Variants in COL19A1 observed in about 807,000 individuals in gnomAD.
COL19A1 encodes the protein collagen alpha-1(XIX) chain.
A neutral mutation model predicts 190.2 loss-of-function variants in COL19A1; 159 were observed. The observed-to-expected ratio is 0.84, with a 90% CI of 0.73 to 0.95. COL19A1 has a LOEUF of 0.95. COL19A1 is among the 40% of genes least tolerant of loss of function. The probability of loss-of-function intolerance (pLI) is 0.00; values close to 1 mark genes in which losing one functional copy is unlikely to be tolerated. For missense variants in COL19A1, 1,418 were observed against 1,431.9 expected (o/e 0.99, Z 0.16); for synonymous variants, 509 against 458.9 (o/e 1.11, Z -1.39).
intron 16 of COL19A1, among the ~76,000 whole-genome samples, chr6:70,111,108 T>C (rs1175048343): frequency 2.6e-5 from 4 of 152,210 alleles, no homozygotes; most frequent in African/African-American, 7.2e-5. Flanking sequence ...TTTGATGATA[T>C]AGTTTCCAAG....
intron 11 of COL19A1, among the ~76,000 whole-genome samples, chr6:70,021,078 C>T (rs375419032): frequency 1.2e-4 from 19 of 152,106 alleles, no homozygotes; most frequent in African/African-American, 3.9e-4. Context: ...ATTGAATGAG[C>T]GTTTTATAAA....
intron 14 of COL19A1, among the ~76,000 whole-genome samples, chr6:70,055,173 T>G (rs1780419993): frequency 6.6e-6 from 1 of 152,206 alleles, no homozygotes; most frequent in Non-Finnish European, 1.5e-5. Flanking sequence ...ACCTCTGTGA[T>G]ACTAGTTTTC....
In COL19A1 at chr6:69,929,431, A is replaced by G. The variant is rs558875751; in HGVS notation, c.397A>G (p.Ile133Val). The change falls in exon 6 of 51, where the codon ATA (isoleucine) becomes GTA (valine). Residue 133 changes from isoleucine (I) to valine (V), a missense_variant. Ile to Val is a conservative substitution (Grantham distance 29). Coordinates refer to ENST00000620364, the MANE Select transcript of COL19A1 (RefSeq NM_001858.6). ...LNQQNIPQIS[I>V]VVDGGKKVVE... Reference sequence around the variant, plus strand: ...ATACTTTACATTTTTGCAGATTTCTATAGTAGTTGATGGTGGAAAGAAGGT... The same window carrying G: ...ATACTTTACATTTTTGCAGATTTCTGTAGTAGTTGATGGTGGAAAGAAGGT... The G allele has an allele frequency of 9.3e-6, 15 of 1,613,464 alleles. No individual in the cohort carries two copies. Among genetic ancestry groups the G allele is most frequent in the East Asian group, 4.5e-5 (2 of 44,850 alleles).
intron 16 of COL19A1, among the ~76,000 whole-genome samples, chr6:70,104,405 C>T (rs992933956): frequency 1.2e-4 from 18 of 152,038 alleles, no homozygotes; most frequent in East Asian, 1.9e-4. Context: ...GAGTGTGAAG[C>T]GGGAAGTGCA....
At chr6:69,884,190 C>T (rs1276082932) in intron 2 of COL19A1, among the ~76,000 whole-genome samples, 1 of 151,952 alleles carries the variant, frequency 6.6e-6, no homozygotes, top group East Asian at 1.9e-4. Context: ...TAAAAATTAG[C>T]TGTGCGTGGT....
intron 31 of COL19A1, among the ~76,000 whole-genome samples, chr6:70,152,587 A>G (rs1168267796): frequency 6.6e-6 from 1 of 152,114 alleles, no homozygotes; most frequent in African/African-American, 2.4e-5. Context: ...TCAATATGCC[A>G]CTTTACTTAT....
intron 16 of COL19A1, among the ~76,000 whole-genome samples, chr6:70,118,139 G>A (rs906927151): frequency 6.6e-6 from 1 of 152,138 alleles, no homozygotes; most frequent in Non-Finnish European, 1.5e-5. Context: ...TAGTCTGCAG[G>A]ATAGACAACT....
At chr6:69,888,188 A>G (rs1342198402) in intron 2 of COL19A1, among the ~76,000 whole-genome samples, 1 of 152,190 alleles carries the variant, frequency 6.6e-6, no homozygotes, top group Admixed American at 6.5e-5. Flanking sequence ...CCTGAAGGCA[A>G]GAACAGACAA....
chr6:70,157,746 G>T (rs563664063), intron 34 of COL19A1, among the ~76,000 whole-genome samples: 1 of 152,110 alleles, frequency 6.6e-6, no homozygotes, highest in South Asian at 2.1e-4. Context: ...TTCCACAGAA[G>T]GTTTTACTAA....
intron 11 of COL19A1, among the ~76,000 whole-genome samples, chr6:70,004,896 G>T (rs547184899): frequency 1.3e-5 from 2 of 150,462 alleles, no homozygotes; most frequent in East Asian, 3.9e-4. Flanking sequence ...GCAGTGGCTC[G>T]ATCTCGGCTC....
At chr6:70,134,025 T>A (rs1785678645) in intron 18 of COL19A1, among the ~76,000 whole-genome samples, 3 of 152,196 alleles carry the variant, frequency 2.0e-5, no homozygotes, top group African/African-American at 7.2e-5. Context: ...ATTGGCAGAT[T>A]TGATTTTTAC....
At chr6:70,205,527 T>C (rs1767800658) in intron 49 of COL19A1, among the ~76,000 whole-genome samples, 2 of 152,230 alleles carry the variant, frequency 1.3e-5, no homozygotes, top group Non-Finnish European at 1.5e-5. Context: ...TTGCTGTGTG[T>C]CCACATGAGT....
At chr6:70,121,977 T>C (rs1170402790) in intron 17 of COL19A1, 35 bp downstream of exon 17, 2 of 1,348,490 alleles carry the variant, frequency 1.5e-6, no homozygotes, top group Non-Finnish European at 2.0e-6. Context: ...TTATAATACA[T>C]AGAAATTTTA....
intron 4 of COL19A1, among the ~76,000 whole-genome samples, chr6:69,916,096 C>A (rs931435487): frequency 6.6e-6 from 1 of 152,108 alleles, no homozygotes; most frequent in African/African-American, 2.4e-5. Flanking sequence ...GCCACCATGC[C>A]TGGCTAATTT....
intron 11 of COL19A1, among the ~76,000 whole-genome samples, chr6:69,981,366 A>G (rs1222554652): frequency 2.0e-5 from 3 of 152,206 alleles, no homozygotes; most frequent in Non-Finnish European, 4.4e-5. Flanking sequence ...ATTGATATGT[A>G]GAATGTGATG....
At chr6:70,028,002 C>T (rs953455688) in intron 12 of COL19A1, among the ~76,000 whole-genome samples, 5 of 152,082 alleles carry the variant, frequency 3.3e-5, no homozygotes, top group Admixed American at 1.3e-4. Context: ...TCAATATCCT[C>T]TCTGTGCCTC....
At chr6:70,141,762 G>C in intron 20 of COL19A1, 131 bp from the exon 21 acceptor site, 1 of 632,870 alleles carries the variant, frequency 1.6e-6, no homozygotes, top group South Asian at 2.1e-5. Flanking sequence ...AACTCTCCTT[G>C]ATTTTATTGT....
intron 2 of COL19A1, among the ~76,000 whole-genome samples, chr6:69,897,458 T>TACAC (rs71760023): frequency 0.014 from 2,037 of 145,304 alleles, 44 homozygotes; most frequent in African/African-American, 0.035. Flanking sequence ...TTGTCAGTTT[T>TACAC]ACACACACAC....
intron 11 of COL19A1, among the ~76,000 whole-genome samples, chr6:70,010,224 A>G (rs796774119): frequency 1.6e-4 from 24 of 152,312 alleles, no homozygotes; most frequent in African/African-American, 5.8e-4. Flanking sequence ...AAACAATCCA[A>G]TTTTTAAAAT....
Sources: gnomAD v4.1 joint callset for allele counts (sites outside exome capture counted in the v4.1 genomes callset) on GRCh38, gnomAD v4.1.1 for gene constraint, MANE v1.5 for transcripts, NCBI Gene and HGNC (gene_info 2026-07-23, HGNC 2026-07-21) for gene names.